The following FAM184B variants were observed in gnomAD, a reference collection of about 807,000 sequenced individuals.
FAM184B encodes the protein family with sequence similarity 184 member B.
Under a neutral mutation model 135.9 loss-of-function variants are expected in FAM184B, and 111 were observed. The ratio of observed to expected loss-of-function variants is 0.82; its 90% CI spans 0.70 to 0.96. The LOEUF (loss-of-function observed/expected upper bound fraction) is 0.96. Among genes scored for constraint, FAM184B ranks in the 40% least tolerant of loss-of-function variants. The pLI, the probability that FAM184B is intolerant of heterozygous loss-of-function variation, is 0.00. For missense variants in FAM184B, 1,375 were observed against 1,323.9 expected (o/e 1.04, Z -0.60); for synonymous variants, 552 against 524.8 (o/e 1.05, Z -0.71).
chr4:17,684,619 G>A (rs1254756263), intron 7 of FAM184B, among the ~76,000 whole-genome samples: 4 of 152,208 alleles, frequency 2.6e-5, no homozygotes, highest in Non-Finnish European at 5.9e-5. Context: ...CACATGCCAG[G>A]TATTGCACAC....
In FAM184B at chr4:17,642,081, C is replaced by T. The variant is rs1715337578; in HGVS notation, c.2494G>A (p.Ala832Thr). ...CTGCGCTGGTCTCGGAGCTTCTGCG[C>T]CTCCTGCTGATGCTGCTCCACCTCC... Reference protein sequence around the residue: ...RAEVEQHQQEAQKLRDQRRFL... With the variant: ...RAEVEQHQQETQKLRDQRRFL... The change falls in exon 13 of 18, where the codon GCG becomes ACG. Residue 832 changes from alanine to threonine, a missense_variant. Coordinates refer to ENST00000265018, the MANE Select transcript of FAM184B (RefSeq NM_015688.2). 1.3e-6 allele frequency: 2 copies of T among 1,531,880 alleles called. No individual in the cohort carries two copies. Among genetic ancestry groups the T allele is most frequent in the Admixed American group, 2.0e-5 (1 of 50,822 alleles). 94.9% of individuals were successfully genotyped at this position (1,531,880 alleles called of 1,614,324 possible).
In FAM184B at chr4:17,742,629, C is replaced by T. The variant is rs141933462; in HGVS notation, c.142-32985G>A. Among the ~76,000 whole-genome samples the T allele has an allele frequency of 5.3e-3, 806 of 152,198 alleles. 9 individuals are homozygous for T. The highest frequency in any genetic ancestry group is 0.018 in the African/African-American group (752 of 41,560). On this transcript the variant is annotated intron_variant, in intron 1 of 17. Transcript: ENST00000265018. ...ATTGAGGTTACAAGCAGCTGAGCCG[C>T]GAGCAGAGAAGCAACTGAGCATCAA... is the stretch of plus-strand genomic sequence containing the variant.
At chr4:17,740,947 T>C (rs1185356310) in intron 1 of FAM184B, among the ~76,000 whole-genome samples, 5 of 152,190 alleles carry the variant, frequency 3.3e-5, no homozygotes, top group Non-Finnish European at 7.3e-5. Context: ...CTCATTACTT[T>C]TCTTAAAAAA....
chr4:17,665,064 TCA>T (rs1367458168), intron 7 of FAM184B, among the ~76,000 whole-genome samples: 2 of 152,308 alleles, frequency 1.3e-5, no homozygotes, highest in Non-Finnish European at 2.9e-5. Context: ...TGCATAACCC[TCA>T]GAGAGAGGTC....
At chr4:17,695,595 G>A (rs955673571) in intron 5 of FAM184B, among the ~76,000 whole-genome samples, 4 of 152,088 alleles carry the variant, frequency 2.6e-5, no homozygotes, top group South Asian at 4.2e-4. Flanking sequence ...GGCCTGTGGT[G>A]GCAGTGCAGC....
chr4:17,729,690 C>T (rs907304975), intron 1 of FAM184B, among the ~76,000 whole-genome samples: 6 of 152,236 alleles, frequency 3.9e-5, no homozygotes, highest in African/African-American at 7.2e-5. Context: ...TCCAACAGAC[C>T]TGCAGCTGAC....
chr4:17,761,400 T>C (rs549377193), intron 1 of FAM184B, among the ~76,000 whole-genome samples: 2 of 152,276 alleles, frequency 1.3e-5, no homozygotes, highest in Admixed American at 1.3e-4. Flanking sequence ...CTGTGAGAAA[T>C]AAATATCTGT....
intron 13 of FAM184B, 61 bp downstream of exon 13, chr4:17,641,995 G>T: frequency 1.4e-6 from 2 of 1,472,650 alleles, no homozygotes; most frequent in Non-Finnish European, 1.8e-6. Flanking sequence ...AGTAGGGGGA[G>T]GGGGGGTGGC....
intron 1 of FAM184B, among the ~76,000 whole-genome samples, chr4:17,712,549 A>G (rs1717304164): frequency 6.6e-6 from 1 of 152,158 alleles, no homozygotes; most frequent in Non-Finnish European, 1.5e-5. Flanking sequence ...CTATTGAACT[A>G]CACTCTAACT....
intron 9 of FAM184B, 25 bp downstream of exon 9, chr4:17,659,933 C>T: frequency 6.5e-7 from 1 of 1,549,068 alleles, no homozygotes; most frequent in South Asian, 1.2e-5. Flanking sequence ...AGGAAGGGGG[C>T]ACATCCCCAC....
chr4:17,671,948 T>C (rs1716177581), intron 7 of FAM184B, among the ~76,000 whole-genome samples: 2 of 101,056 alleles, frequency 2.0e-5, no homozygotes, highest in African/African-American at 5.4e-5. Context: ...CAGTCAAAGA[T>C]GCAAAAAGAA....
At chr4:17,652,288 C>T (rs532497020) in intron 11 of FAM184B, among the ~76,000 whole-genome samples, 27 of 152,040 alleles carry the variant, frequency 1.8e-4, no homozygotes, top group Non-Finnish European at 2.2e-4. Flanking sequence ...CCACGCCCGG[C>T]TAATTTTTTG....
intron 1 of FAM184B, among the ~76,000 whole-genome samples, chr4:17,714,084 T>A (rs1418378772): frequency 7.9e-5 from 12 of 152,160 alleles, no homozygotes; most frequent in African/African-American, 2.9e-4. Flanking sequence ...ACCATATCAC[T>A]TCTTTGGGCT....
chr4:17,733,619 CAAGGGATGTG>C (rs2108979253), intron 1 of FAM184B, among the ~76,000 whole-genome samples: 1 of 152,262 alleles, frequency 6.6e-6, no homozygotes, highest in South Asian at 2.1e-4. Context: ...ACCCAATTTA[CAAGGGATGTG>C]AAGGACCTCT....
intron 4 of FAM184B, among the ~76,000 whole-genome samples, 179 bp from the exon 5 acceptor site, chr4:17,705,385 G>T (rs1373604665): frequency 3.9e-5 from 6 of 152,180 alleles, no homozygotes; most frequent in Non-Finnish European, 1.5e-5. Context: ...TCCACCACTG[G>T]AAAAGGGCTT....
intron 10 of FAM184B, among the ~76,000 whole-genome samples, chr4:17,655,191 C>A (rs1262320252): frequency 6.6e-6 from 1 of 152,188 alleles, no homozygotes; most frequent in African/African-American, 2.4e-5. Flanking sequence ...TTTTCAAATT[C>A]TCTGATACCT....
chr4:17,764,243 T>G (rs991871243), intron 1 of FAM184B, among the ~76,000 whole-genome samples: 2 of 152,220 alleles, frequency 1.3e-5, no homozygotes, highest in African/African-American at 4.8e-5. Context: ...ACAATTCAGC[T>G]CTGGCCCCAA....
chr4:17,766,804 A>G lies in FAM184B; in HGVS notation c.141+14355T>C, dbSNP rs538864234. Among the ~76,000 whole-genome samples, 34 of 152,316 alleles carry G rather than the reference A, an allele frequency of 2.2e-4. No individual in the cohort carries two copies. The East Asian group carries it at 6.4e-3, about 29-fold the overall frequency. On this transcript the variant is annotated intron_variant, in intron 1 of 17. Transcript: ENST00000265018. ...GGTGCCTGCCAGTCCCGCGCAGAGCACCCGCACTCCTCAGCCCCTGGGCGG... is the reference window on the plus strand; with the variant it reads ...GGTGCCTGCCAGTCCCGCGCAGAGCGCCCGCACTCCTCAGCCCCTGGGCGG...
intron 1 of FAM184B, among the ~76,000 whole-genome samples, chr4:17,752,417 CA>C (rs1000707197): frequency 4.6e-5 from 7 of 150,994 alleles, no homozygotes; most frequent in Non-Finnish European, 1.0e-4. Flanking sequence ...TTGGGTGGGT[CA>C]ATGAGTGGGT....
Sources: gnomAD v4.1 joint callset for allele counts (sites outside exome capture counted in the v4.1 genomes callset) on GRCh38, gnomAD v4.1.1 for gene constraint, MANE v1.5 for transcripts, NCBI Gene and HGNC (gene_info 2026-07-23, HGNC 2026-07-21) for gene names.